The following RIMS2 variants were observed in gnomAD, a reference collection of about 807,000 sequenced individuals.
RIMS2 encodes regulating synaptic membrane exocytosis protein 2.
RIMS2 carries 59 observed loss-of-function variants against 174.4 expected under a neutral mutation model. That is an observed-to-expected ratio of 0.34 (90% CI 0.27 to 0.42). RIMS2 has a LOEUF of 0.42. Among genes scored for constraint, RIMS2 ranks in the 10% least tolerant of loss-of-function variants. The pLI is 1.00. For synonymous variants in RIMS2, 606 were observed against 572.5 expected (o/e 1.06, Z -0.84); for missense variants, 1,620 against 1,666.3 (o/e 0.97, Z 0.48).
rs966943521 is a variant in RIMS2 at position 104,125,573 on chromosome 8, A to T, written c.3334+110958A>T. Among the ~76,000 whole-genome samples, 3 of 152,182 alleles carry T rather than the reference A, an allele frequency of 2.0e-5. No homozygotes were observed. The East Asian group carries it at 5.8e-4, about 29-fold the overall frequency. On this transcript the variant is annotated intron_variant, in intron 19 of 23. Transcript: ENST00000504942. Reference sequence around the variant, plus strand: ...TAGTAAATCATAAAGCTTTAAAAGGATGCTGTGGCACTATGAATAACATCT... The same window carrying T: ...TAGTAAATCATAAAGCTTTAAAAGGTTGCTGTGGCACTATGAATAACATCT...
At chr8:103,712,733 A>G (rs2097322266) in intron 2 of RIMS2, among the ~76,000 whole-genome samples, 1 of 152,202 alleles carries the variant, frequency 6.6e-6, no homozygotes, top group Admixed American at 6.5e-5. Context: ...ACACAAAGGA[A>G]ATGGAAAGCA....
intron 19 of RIMS2, among the ~76,000 whole-genome samples, chr8:104,031,163 G>A (rs1375708385): frequency 1.3e-5 from 2 of 151,904 alleles, no homozygotes; most frequent in Non-Finnish European, 2.9e-5. Flanking sequence ...GCATATAAAT[G>A]TTTGTCATTT....
chr8:103,554,135 C>T (rs561523211), intron 1 of RIMS2, among the ~76,000 whole-genome samples: 149 of 151,882 alleles, frequency 9.8e-4, no homozygotes, highest in Non-Finnish European at 1.9e-3. Context: ...GGACATAGGC[C>T]CTGGTGAAGA....
At chr8:103,725,150 G>A (rs2097511283) in intron 2 of RIMS2, among the ~76,000 whole-genome samples, 2 of 151,958 alleles carry the variant, frequency 1.3e-5, no homozygotes, top group South Asian at 2.1e-4. Context: ...CCCCACATTT[G>A]TTACACCAGT....
intron 19 of RIMS2, among the ~76,000 whole-genome samples, chr8:104,077,297 C>T (rs1044841715): frequency 6.6e-6 from 1 of 151,890 alleles, no homozygotes; most frequent in African/African-American, 2.4e-5. Context: ...CTGTTTCCAA[C>T]AGATAACTTC....
At chr8:103,578,579 C>A (rs1275668536) in intron 1 of RIMS2, among the ~76,000 whole-genome samples, 1 of 151,810 alleles carries the variant, frequency 6.6e-6, no homozygotes, top group Non-Finnish European at 1.5e-5. Flanking sequence ...CAACAAAAAA[C>A]CCAACAACAT....
chr8:103,779,759 G>T (rs576155769), intron 3 of RIMS2, among the ~76,000 whole-genome samples: 8 of 115,302 alleles, frequency 6.9e-5, no homozygotes, highest in Admixed American at 2.0e-4. Context: ...GTCATGGGGT[G>T]GGGGGAGGGG....
intron 19 of RIMS2, among the ~76,000 whole-genome samples, chr8:104,156,885 C>T (rs1171022840): frequency 6.6e-6 from 1 of 152,092 alleles, no homozygotes; most frequent in Admixed American, 6.5e-5. Context: ...CCTATTAATA[C>T]ACAAGCGTAC....
At chr8:103,832,377 A>C (rs1032475993) in intron 3 of RIMS2, among the ~76,000 whole-genome samples, 1 of 152,054 alleles carries the variant, frequency 6.6e-6, no homozygotes, top group Non-Finnish European at 1.5e-5. Flanking sequence ...TGTGGAACTC[A>C]ATTTTTTTTA....
intron 1 of RIMS2, among the ~76,000 whole-genome samples, chr8:103,637,093 C>T (rs985560715): frequency 1.3e-5 from 2 of 152,094 alleles, no homozygotes; most frequent in Admixed American, 6.6e-5. Flanking sequence ...TTTTTCTTGG[C>T]TTTTGTCACA....
At chr8:104,087,855 A>C (rs908925724) in intron 19 of RIMS2, among the ~76,000 whole-genome samples, 2 of 152,116 alleles carry the variant, frequency 1.3e-5, no homozygotes, top group Non-Finnish European at 2.9e-5. Flanking sequence ...AGACTGAGGC[A>C]TGATGTTCGT....
intron 16 of RIMS2, among the ~76,000 whole-genome samples, chr8:103,988,535 C>A (rs2094498908): frequency 6.6e-6 from 1 of 152,214 alleles, no homozygotes; most frequent in African/African-American, 2.4e-5. Flanking sequence ...TCTCTGCTCA[C>A]TGCAGCCTCC....
chr8:104,131,808 G>T (rs1483255400), intron 19 of RIMS2, among the ~76,000 whole-genome samples: 2 of 152,174 alleles, frequency 1.3e-5, no homozygotes, highest in African/African-American at 4.8e-5. Context: ...ACTGAGGATT[G>T]GGGTTTATTG....
At chr8:103,961,101 A>G (rs773050117) in exon 15 of RIMS2, 2 of 1,505,492 alleles carry the variant, frequency 1.3e-6, no homozygotes, top group African/African-American at 1.4e-5. Context: ...GTCTCTGACT[A>G]TGACTGTGAT....
chr8:103,684,518 A>G (rs2096916314), intron 1 of RIMS2, among the ~76,000 whole-genome samples: 1 of 150,994 alleles, frequency 6.6e-6, no homozygotes, highest in South Asian at 2.1e-4. Flanking sequence ...ATTGTTCATG[A>G]CTACTTTCTG....
intron 1 of RIMS2, among the ~76,000 whole-genome samples, chr8:103,540,311 A>G (rs527826099): frequency 6.6e-6 from 1 of 152,342 alleles, no homozygotes; most frequent in South Asian, 2.1e-4. Context: ...GGTGGACCTT[A>G]GCAGTCATCA....
intron 2 of RIMS2, among the ~76,000 whole-genome samples, chr8:103,722,359 A>G (rs190667776): frequency 1.8e-4 from 28 of 152,276 alleles, no homozygotes; most frequent in African/African-American, 5.8e-4. Flanking sequence ...ATATAATGAA[A>G]TAGTTATACA....
chr8:104,228,925 A>G (rs1460534236), intron 19 of RIMS2, among the ~76,000 whole-genome samples: 1 of 152,242 alleles, frequency 6.6e-6, no homozygotes, highest in East Asian at 1.9e-4. Flanking sequence ...AGAAAAGTAA[A>G]TTGAGTAACA....
intron 19 of RIMS2, among the ~76,000 whole-genome samples, chr8:104,173,356 G>A (rs1382306326): frequency 1.3e-5 from 2 of 152,088 alleles, no homozygotes; most frequent in African/African-American, 2.4e-5. Context: ...AATGACACGA[G>A]TAGGCAGTTA....
Sources: allele counts gnomAD v4.1 joint callset (sites outside exome capture counted in the v4.1 genomes callset), GRCh38; gene constraint gnomAD v4.1.1; transcripts MANE v1.5; gene names NCBI Gene and HGNC (gene_info 2026-07-23, HGNC 2026-07-21).